Variants in PTPRT observed in about 807,000 individuals in gnomAD.
PTPRT encodes protein tyrosine phosphatase receptor type T.
In PTPRT, 56 loss-of-function variants were observed where a neutral mutation model predicts 176.8. The ratio of observed to expected loss-of-function variants is 0.32; its 90% confidence interval spans 0.26 to 0.40. PTPRT has a LOEUF of 0.40. Among genes scored for constraint, PTPRT ranks in the 10% least tolerant of loss-of-function variants. PTPRT has a pLI of 1.00. For synonymous variants in PTPRT, 783 were observed against 739.0 expected (o/e 1.06, Z -0.96); for missense variants, 1,540 against 1,908.2 (o/e 0.81, Z 3.60).
At position 43,189,772 on chromosome 20, in the gene PTPRT, G is replaced by T; in HGVS notation, c.-39C>A. The T allele has an allele frequency of 2.7e-6, 3 of 1,105,698 alleles. No homozygotes were observed. The highest frequency in any genetic ancestry group is 3.3e-6 in the Non-Finnish European group (3 of 904,078). The allele number at this position is 1,105,698 out of a possible 1,614,324, so 68.5% of individuals were successfully genotyped here. A position where few individuals can be genotyped will look rare whatever the true frequency, so the allele number is the denominator to read the frequency against. ...GGCAGCTCAGCCCCTTCCCGCGGGGGCCGGGGCCGGGACTGGGGCGGGCGC... is the reference window on the plus strand; with the variant it reads ...GGCAGCTCAGCCCCTTCCCGCGGGGTCCGGGGCCGGGACTGGGGCGGGCGC... On this transcript the variant is annotated 5_prime_UTR_variant, in exon 1 of 31. Transcript: ENST00000373187. This position sits in a 1 kb window ranked among gnomAD's most constrained non-coding sequence, Gnocchi z 5.0.
chr20:42,236,268 G>A lies in PTPRT; in HGVS notation c.2313-10C>T. On this transcript the variant is annotated splice_polypyrimidine_tract_variant and intron_variant, in intron 14 of 30. Coordinates refer to ENST00000373187, the MANE Select transcript of PTPRT (RefSeq NM_007050.6). Reference sequence around the variant, plus strand: ...GGAATAAGCATTTCTTCTATATATTGATGGGCAGTCAGATGAAGGAAATGT... The same window carrying A: ...GGAATAAGCATTTCTTCTATATATTAATGGGCAGTCAGATGAAGGAAATGT... 6.3e-7 allele frequency: 1 copy of A among 1,589,520 alleles called. No individual in the cohort carries two copies. Among genetic ancestry groups the A allele is most frequent in the Non-Finnish European group, 8.6e-7 (1 of 1,159,266 alleles).
intron 9 of PTPRT, among the ~76,000 whole-genome samples, chr20:42,403,713 T>C (rs1467045048): frequency 6.6e-6 from 1 of 152,138 alleles, no homozygotes. Context: ...TGCAGGGACT[T>C]GGACCTGTGG....
intron 7 of PTPRT, among the ~76,000 whole-genome samples, chr20:42,529,802 A>C (rs2072347459): frequency 6.6e-6 from 1 of 151,586 alleles, no homozygotes; most frequent in South Asian, 2.1e-4. Flanking sequence ...GTAAATTTTA[A>C]AATATCAAAA....
At chr20:42,776,722 C>CATATAATTATATATGATAACAT (rs2077141336) in intron 4 of PTPRT, among the ~76,000 whole-genome samples, 3 of 147,066 alleles carry the variant, frequency 2.0e-5, no homozygotes, top group Non-Finnish European at 4.5e-5. Flanking sequence ...ATAAGCATAT[C>CATATAATTATATATGATAACAT]ATATAATTAT....
intron 2 of PTPRT, among the ~76,000 whole-genome samples, chr20:42,863,347 G>A (rs1368490009): frequency 1.3e-5 from 2 of 152,208 alleles, no homozygotes; most frequent in Non-Finnish European, 2.9e-5. Context: ...TTCCAGCAGA[G>A]AATCAGGACA....
intron 16 of PTPRT, among the ~76,000 whole-genome samples, chr20:42,172,007 T>C (rs1990098101): frequency 6.6e-6 from 1 of 151,564 alleles, no homozygotes; most frequent in South Asian, 2.1e-4. Context: ...CACAGAAAAA[T>C]ACACCTCTCA....
chr20:42,150,905 G>A (rs867634727), intron 17 of PTPRT, among the ~76,000 whole-genome samples: 7 of 152,038 alleles, frequency 4.6e-5, no homozygotes, highest in Admixed American at 2.0e-4. Flanking sequence ...TTTATACTAT[G>A]TAAATTTTAA....
At chr20:42,657,549 A>T (rs990436384) in intron 7 of PTPRT, among the ~76,000 whole-genome samples, 1 of 151,736 alleles carries the variant, frequency 6.6e-6, no homozygotes, top group African/African-American at 2.4e-5. Context: ...GGTTGATGGC[A>T]TTTATTAGTA....
chr20:42,278,826 CCT>C (rs1375180996), intron 13 of PTPRT, among the ~76,000 whole-genome samples: 2 of 152,032 alleles, frequency 1.3e-5, no homozygotes, highest in Non-Finnish European at 2.9e-5. Flanking sequence ...AGCATTAGCA[CCT>C]CTGAAGTCTA....
chr20:42,992,091 A>C (rs1983940600), intron 1 of PTPRT, among the ~76,000 whole-genome samples: 2 of 152,222 alleles, frequency 1.3e-5, no homozygotes, highest in Admixed American at 1.3e-4. Context: ...TTACTATTTA[A>C]ATAATAAACA....
intron 9 of PTPRT, among the ~76,000 whole-genome samples, chr20:42,416,224 T>G (rs890308289): frequency 6.6e-6 from 1 of 152,230 alleles, no homozygotes; most frequent in Admixed American, 6.5e-5. Flanking sequence ...AGGCAGAGAC[T>G]GGGGTGATGT....
chr20:42,204,575 A>C (rs1427156839), intron 15 of PTPRT, among the ~76,000 whole-genome samples: 1 of 152,178 alleles, frequency 6.6e-6, no homozygotes, highest in Non-Finnish European at 1.5e-5. Flanking sequence ...TCCAAAGTTT[A>C]CTGCTTCTGA....
intron 1 of PTPRT, among the ~76,000 whole-genome samples, chr20:43,140,046 G>A (rs2013953327): frequency 1.3e-5 from 2 of 152,134 alleles, no homozygotes. Flanking sequence ...AGGCCACCCA[G>A]GCCCCTTCCC....
rs201228742 is a variant in PTPRT, at chr20:42,573,745, C to CTTTTTT, written c.1154-101184_1154-101183insAAAAAA. Among the ~76,000 whole-genome samples, 1,095 of 115,054 alleles carry CTTTTTT rather than the reference C, an allele frequency of 9.5e-3. 52 individuals carry two copies. Among genetic ancestry groups the CTTTTTT allele is most frequent in the East Asian group, 0.014 (49 of 3,584 alleles). 75.5% of individuals were successfully genotyped at this position (115,054 alleles called of 152,430 possible). ...AAATGGCAAGACGGACCCTTTCTTT[C>CTTTTTT]TTTCTTTTTTTTTTTTTTTTTGAGA... On this transcript the variant is annotated intron_variant, in intron 7 of 30. Transcript: ENST00000373187.
rs3086756 is a variant in PTPRT at position 42,197,376 on chromosome 20, CAAAA to C, written c.2491+1860_2491+1863del. Among the ~76,000 whole-genome samples, 7 of 33,316 alleles carry C rather than the reference CAAAA, an allele frequency of 2.1e-4. No individual in the cohort carries two copies. In the East Asian group the frequency reaches 3.5e-3, roughly 17 times the overall value. 21.9% of individuals were successfully genotyped at this position (33,316 alleles called of 152,430 possible). On this transcript the variant is annotated intron_variant, in intron 16 of 30. Coordinates refer to ENST00000373187, the MANE Select transcript of PTPRT (RefSeq NM_007050.6). ...CCTGGGTGATAGAGTGAGACTCCAT[CAAAA>C]AAAAAAAAAAAAAAAAAAAAAGTCA...
intron 9 of PTPRT, among the ~76,000 whole-genome samples, chr20:42,415,897 A>C (rs914196820): frequency 3.9e-5 from 6 of 152,220 alleles, no homozygotes; most frequent in Non-Finnish European, 8.8e-5. Context: ...TGATACAAAA[A>C]GACAATGTTA....
intron 1 of PTPRT, among the ~76,000 whole-genome samples, chr20:42,900,762 G>T (rs1174633333): frequency 6.6e-6 from 1 of 152,128 alleles, no homozygotes; most frequent in African/African-American, 2.4e-5. Context: ...CATGTCCGGG[G>T]TCCAGGGTCT....
At chr20:42,930,634 C>T (rs771954456) in intron 1 of PTPRT, among the ~76,000 whole-genome samples, 31 of 152,172 alleles carry the variant, frequency 2.0e-4, no homozygotes, top group Non-Finnish European at 3.4e-4. Flanking sequence ...AGGCACAGGC[C>T]ACCATGCCTG....
chr20:42,059,883 C>G, the PTPRT span, among the ~76,000 whole-genome samples: 1 of 152,164 alleles, frequency 6.6e-6, no homozygotes, highest in Non-Finnish European at 1.5e-5. Flanking sequence ...TCAAGTAATC[C>G]TTTTTATTCT....
Sources: allele counts gnomAD v4.1 joint callset (sites outside exome capture counted in the v4.1 genomes callset), GRCh38; gene constraint gnomAD v4.1.1; non-coding constraint Gnocchi (gnomAD v3.1); transcripts MANE v1.5; gene names NCBI Gene and HGNC (gene_info 2026-07-23, HGNC 2026-07-21).